Variants in SMAD3 observed in about 807,000 individuals in gnomAD.
The protein encoded by SMAD3 is MAD homolog 3.
In SMAD3, 12 loss-of-function variants were observed where a neutral mutation model predicts 51.8. The observed-to-expected ratio is 0.23, with a 90% CI of 0.15 to 0.38. The LOEUF is 0.38. Among genes scored for constraint, SMAD3 ranks in the 10% least tolerant of loss-of-function variants. The probability of loss-of-function intolerance (pLI) is 1.00; values close to 1 mark genes in which losing one functional copy is unlikely to be tolerated. For missense variants in SMAD3, 294 were observed against 565.6 expected, an observed-to-expected ratio of 0.52 and a Z score of 4.87; for synonymous variants, 238 against 227.7, an observed-to-expected ratio of 1.05 and a Z score of -0.41.
chr15:67,113,980 G>A (rs1210678732), intron 1 of SMAD3, among the ~76,000 whole-genome samples: 2 of 152,228 alleles, frequency 1.3e-5, no homozygotes, highest in African/African-American at 4.8e-5. Context: ...ACCAGGTTGA[G>A]GTTAGTTGGG....
Position 67,069,714 on chromosome 15 carries a change from T to G in SMAD3, c.206+3354T>G, listed in dbSNP as rs544231928. Among the ~76,000 whole-genome samples, 12 of 88,980 alleles carry G rather than the reference T, an allele frequency of 1.3e-4. No individual in the cohort carries two copies. In the East Asian group the frequency reaches 1.3e-3, roughly 10 times the overall value. 58.4% of individuals were successfully genotyped at this position (88,980 alleles called of 152,430 possible). A position where few individuals can be genotyped will look rare whatever the true frequency, so the allele number is the denominator to read the frequency against. On this transcript the variant is annotated intron_variant, in intron 1 of 8. Coordinates refer to ENST00000327367, the MANE Select transcript of SMAD3 (RefSeq NM_005902.4). ...CTACTCCCTCCCTGTGAATCTGATG[T>G]TTTTTTTTTGGAGACAGAGTCTTGC... is the stretch of plus-strand genomic sequence containing the variant.
intron 1 of SMAD3, among the ~76,000 whole-genome samples, chr15:67,081,194 C>G (rs190952312): frequency 8.2e-4 from 125 of 152,256 alleles, no homozygotes; most frequent in East Asian, 2.7e-3. Flanking sequence ...CCCACAGACA[C>G]GCGGAGGCAT....
At chr15:67,163,155 G>A (rs1019596932) in intron 1 of SMAD3, among the ~76,000 whole-genome samples, 14 of 152,032 alleles carry the variant, frequency 9.2e-5, no homozygotes, top group African/African-American at 3.4e-4. Flanking sequence ...TGTACTTTTA[G>A]TAGAGACAGG....
chr15:67,132,876 C>T (rs1961559474), intron 1 of SMAD3, among the ~76,000 whole-genome samples: 1 of 152,212 alleles, frequency 6.6e-6, no homozygotes, highest in African/African-American at 2.4e-5. Flanking sequence ...TTGAGTTGAA[C>T]AGAAATCAGA....
intron 1 of SMAD3, among the ~76,000 whole-genome samples, chr15:67,127,890 G>T (rs895188470): frequency 6.6e-6 from 1 of 152,174 alleles, no homozygotes. Flanking sequence ...AATGAAGCTG[G>T]GGGGAGCTGA....
chr15:67,092,906 A>G (rs1024387246), intron 1 of SMAD3, among the ~76,000 whole-genome samples: 3 of 152,170 alleles, frequency 2.0e-5, no homozygotes, highest in African/African-American at 7.2e-5. Flanking sequence ...TGTGGCAATA[A>G]CAGCCAGCTT....
intron 1 of SMAD3, among the ~76,000 whole-genome samples, chr15:67,109,942 G>A (rs1960975334): frequency 1.3e-5 from 2 of 152,188 alleles, no homozygotes; most frequent in African/African-American, 4.8e-5. Flanking sequence ...TCCCAGGCTC[G>A]TCAGCGGGGG....
At position 67,192,801 on chromosome 15, in the gene SMAD3, T is replaced by C. The variant is rs1963400928; in HGVS notation, c.*2265T>C. ...CTATACTTTGGCAGGTTATGAACTT[T>C]GAATGTGATGAAATGACACGTTTGG... On this transcript the variant is annotated 3_prime_UTR_variant, in exon 9 of 9. Transcript: ENST00000327367. 1 of 233,324 alleles carries C rather than the reference T, an allele frequency of 4.3e-6. No individual in the cohort carries two copies. Among genetic ancestry groups the C allele is most frequent in the Non-Finnish European group, 8.5e-6 (1 of 118,006 alleles). 14.5% of individuals were successfully genotyped at this position (233,324 alleles called of 1,614,324 possible).
At chr15:67,109,254 G>A (rs1361494604) in intron 1 of SMAD3, among the ~76,000 whole-genome samples, 3 of 152,100 alleles carry the variant, frequency 2.0e-5, no homozygotes, top group African/African-American at 7.2e-5. Flanking sequence ...TTTTTGTGTG[G>A]AATGCTTGCC....
chr15:67,147,129 C>T (rs1025237075), intron 1 of SMAD3, among the ~76,000 whole-genome samples: 2 of 152,142 alleles, frequency 1.3e-5, no homozygotes, highest in Non-Finnish European at 2.9e-5. Flanking sequence ...ATCCAGGCCC[C>T]AGTGATGTGT....
chr15:67,125,507 G>A (rs945476629), intron 1 of SMAD3, among the ~76,000 whole-genome samples: 3 of 152,230 alleles, frequency 2.0e-5, no homozygotes, highest in Non-Finnish European at 4.4e-5. Flanking sequence ...GTAGCCCACC[G>A]TGGGTGGATG....
At chr15:67,105,785 T>A (rs893069055) in intron 1 of SMAD3, among the ~76,000 whole-genome samples, 4 of 152,204 alleles carry the variant, frequency 2.6e-5, no homozygotes, top group African/African-American at 9.6e-5. Context: ...GGCCTGCTAA[T>A]GCCTCCTGTT....
rs992614229 is a variant in SMAD3, at chr15:67,191,744, G to T, written c.*1208G>T. 4.3e-6 allele frequency: 1 copy of T among 230,572 alleles called. No individual in the cohort carries two copies. The highest frequency in any genetic ancestry group is 5.7e-5 in the Admixed American group (1 of 17,658). 14.3% of individuals were successfully genotyped at this position (230,572 alleles called of 1,614,324 possible). A position where few individuals can be genotyped will look rare whatever the true frequency, so the allele number is the denominator to read the frequency against. On this transcript the variant is annotated 3_prime_UTR_variant, in exon 9 of 9. Transcript: ENST00000327367. ...CAGGCCAACATAGGCAAATGAAAAGGGCTATTAAAATATTTTTACACCTTT... is the reference window on the plus strand; with the variant it reads ...CAGGCCAACATAGGCAAATGAAAAGTGCTATTAAAATATTTTTACACCTTT...
intron 1 of SMAD3, among the ~76,000 whole-genome samples, chr15:67,127,406 G>C (rs1961416596): frequency 6.6e-6 from 1 of 152,108 alleles, no homozygotes; most frequent in Non-Finnish European, 1.5e-5. Context: ...TTCCTCCTCA[G>C]GCACCTCCTC....
intron 1 of SMAD3, among the ~76,000 whole-genome samples, chr15:67,067,651 G>A (rs977301161): frequency 2.6e-5 from 4 of 152,204 alleles, no homozygotes; most frequent in Non-Finnish European, 5.9e-5. Flanking sequence ...CACGGGAACC[G>A]AGGGCAGGCC....
intron 1 of SMAD3, among the ~76,000 whole-genome samples, chr15:67,150,090 G>T (rs1334350986): frequency 1.3e-5 from 2 of 152,198 alleles, no homozygotes; most frequent in Non-Finnish European, 2.9e-5. Context: ...GGTTGTAAAT[G>T]TCCCAACCAT....
At chr15:67,147,067 C>G (rs1319505313) in intron 1 of SMAD3, 1 of 152,298 alleles carries the variant, frequency 6.6e-6, no homozygotes, top group Admixed American at 6.5e-5. Flanking sequence ...TTCAGTGATT[C>G]ACTTCCCGTC....
chr15:67,080,062 C>T (rs1488299013), intron 1 of SMAD3, among the ~76,000 whole-genome samples: 3 of 152,118 alleles, frequency 2.0e-5, no homozygotes, highest in East Asian at 3.8e-4. Flanking sequence ...CTATTAATTA[C>T]GGTCCTTGGC....
intron 1 of SMAD3, among the ~76,000 whole-genome samples, chr15:67,114,016 A>T (rs949893749): frequency 6.6e-6 from 1 of 152,202 alleles, no homozygotes; most frequent in African/African-American, 2.4e-5. Flanking sequence ...GAGAAGTGGC[A>T]GGGGCTGCCC....
Sources: gnomAD v4.1 joint callset for allele counts (sites outside exome capture counted in the v4.1 genomes callset) on GRCh38, gnomAD v4.1.1 for gene constraint, MANE v1.5 for transcripts, NCBI Gene and HGNC (gene_info 2026-07-23, HGNC 2026-07-21) for gene names.